HPSE2: variants seen among roughly 807,000 people sequenced by gnomAD.
HPSE2 encodes heparanase 2 (inactive).
In HPSE2, 38 loss-of-function variants were observed where a neutral mutation model predicts 60.5. That is an observed-to-expected ratio of 0.63 (90% confidence interval 0.48 to 0.82). The LOEUF (loss-of-function observed/expected upper bound fraction) is 0.82, where lower values mean the gene tolerates loss of function less well. HPSE2 is among the 40% of genes least tolerant of loss of function. The pLI, the probability that HPSE2 is intolerant of heterozygous loss-of-function variation, is 0.00. For missense variants in HPSE2, 713 were observed against 740.4 expected (o/e 0.96, Z 0.43); for synonymous variants, 295 against 293.2 (o/e 1.01, Z -0.06).
At chr10:99,023,018 A>G (rs2135430075) in intron 3 of HPSE2, among the ~76,000 whole-genome samples, 1 of 152,208 alleles carries the variant, frequency 6.6e-6, no homozygotes, top group East Asian at 1.9e-4. Context: ...CAGCACAACC[A>G]CAGTGGGATA....
chr10:99,114,488 AATC>A (rs1844594514), intron 3 of HPSE2, among the ~76,000 whole-genome samples: 1 of 152,236 alleles, frequency 6.6e-6, no homozygotes, highest in East Asian at 1.9e-4. Flanking sequence ...AACAAGAAGT[AATC>A]ATCATCTCTT....
chr10:99,107,125 C>A (rs1371920021), intron 3 of HPSE2, among the ~76,000 whole-genome samples: 1 of 152,150 alleles, frequency 6.6e-6, no homozygotes, highest in Non-Finnish European at 1.5e-5. Context: ...CCCGCCTTGG[C>A]CTCCCAGAGT....
At chr10:98,484,508 A>G (rs1385293311) in intron 10 of HPSE2, among the ~76,000 whole-genome samples, 1 of 152,226 alleles carries the variant, frequency 6.6e-6, no homozygotes, top group Non-Finnish European at 1.5e-5. Flanking sequence ...AAGGGCTGGG[A>G]TTACAGGCGT....
the HPSE2 span, among the ~76,000 whole-genome samples, chr10:99,288,494 A>G: frequency 6.6e-6 from 1 of 152,156 alleles, no homozygotes; most frequent in South Asian, 2.1e-4. Context: ...GAGAAGGAGG[A>G]GGAGAAGGAT....
At chr10:99,106,469 A>G (rs1313581177) in intron 3 of HPSE2, among the ~76,000 whole-genome samples, 1 of 152,016 alleles carries the variant, frequency 6.6e-6, no homozygotes, top group Non-Finnish European at 1.5e-5. Flanking sequence ...TATGATATAT[A>G]CATTGCACTA....
the HPSE2 span, among the ~76,000 whole-genome samples, chr10:99,255,577 C>CAA: frequency 6.6e-6 from 1 of 151,606 alleles, no homozygotes; most frequent in Non-Finnish European, 1.5e-5. Flanking sequence ...CACACACACA[C>CAA]ACACACACAC....
chr10:99,245,867 T>C, the HPSE2 span, among the ~76,000 whole-genome samples: 1 of 152,182 alleles, frequency 6.6e-6, no homozygotes, highest in Non-Finnish European at 1.5e-5. Flanking sequence ...TAGTGAGGAA[T>C]TGGAGACACC....
At chr10:98,852,349 G>C (rs1270738112) in intron 3 of HPSE2, among the ~76,000 whole-genome samples, 1 of 152,028 alleles carries the variant, frequency 6.6e-6, no homozygotes, top group East Asian at 1.9e-4. Flanking sequence ...TTGTGTTGGA[G>C]CTGGCCATAA....
intron 9 of HPSE2, among the ~76,000 whole-genome samples, chr10:98,608,349 G>A (rs1031681235): frequency 6.6e-6 from 1 of 152,186 alleles, no homozygotes; most frequent in African/African-American, 2.4e-5. Flanking sequence ...TTTCCCAAGG[G>A]GGCTTGCATC....
intron 3 of HPSE2, among the ~76,000 whole-genome samples, chr10:99,036,768 A>G (rs1171585568): frequency 1.3e-5 from 2 of 152,194 alleles, no homozygotes; most frequent in Non-Finnish European, 2.9e-5. Flanking sequence ...TGCCCAAGAT[A>G]CTTATTAATT....
At chr10:99,012,006 G>T (rs1227796170) in intron 3 of HPSE2, among the ~76,000 whole-genome samples, 1 of 151,634 alleles carries the variant, frequency 6.6e-6, no homozygotes, top group Non-Finnish European at 1.5e-5. Flanking sequence ...GCAAATTAAA[G>T]AATTATCAAT....
intron 2 of HPSE2, among the ~76,000 whole-genome samples, chr10:99,219,387 A>G (rs1380981967): frequency 1.3e-5 from 2 of 152,106 alleles, no homozygotes; most frequent in Non-Finnish European, 2.9e-5. Context: ...ACAGTTTAAA[A>G]ACATGGAAGA....
At chr10:98,782,173 T>TA (rs1357082066) in intron 3 of HPSE2, among the ~76,000 whole-genome samples, 1 of 36,814 alleles carries the variant, frequency 2.7e-5, no homozygotes, top group Non-Finnish European at 5.2e-5. Flanking sequence ...TATGGAAGAC[T>TA]AAAAAAACCC....
chr10:98,458,528 A>G lies in HPSE2; in HGVS notation c.*1046T>C, dbSNP rs1362993402. Reference sequence around the variant, plus strand: ...CAAATAGGCTACTTGGGAAGAGGCAAAAAGGTTAGATTCAGTTGTGTCTTC... The same window carrying G: ...CAAATAGGCTACTTGGGAAGAGGCAGAAAGGTTAGATTCAGTTGTGTCTTC... On this transcript the variant is annotated 3_prime_UTR_variant, in exon 12 of 12. Coordinates refer to ENST00000370552, the MANE Select transcript of HPSE2 (RefSeq NM_021828.5). The G allele has an allele frequency of 6.6e-6, 1 of 152,222 alleles. No individual in the cohort carries two copies. Among genetic ancestry groups the G allele is most frequent in the Non-Finnish European group, 1.5e-5 (1 of 68,044 alleles). The allele number at this position is 152,222 out of a possible 1,614,324, so 9.4% of individuals were successfully genotyped here.
intron 3 of HPSE2, among the ~76,000 whole-genome samples, chr10:98,942,660 G>A (rs1026880434): frequency 6.6e-5 from 10 of 152,176 alleles, no homozygotes; most frequent in Non-Finnish European, 5.9e-5. Flanking sequence ...AACCATTGTA[G>A]AAGTCAGTGT....
chr10:98,635,806 G>T (rs1946483677), intron 7 of HPSE2, among the ~76,000 whole-genome samples: 1 of 150,846 alleles, frequency 6.6e-6, no homozygotes, highest in Non-Finnish European at 1.5e-5. Context: ...AAAAAGAATG[G>T]ATAAACTGGC....
intron 3 of HPSE2, among the ~76,000 whole-genome samples, chr10:98,859,264 A>G (rs1317002327): frequency 6.6e-6 from 1 of 152,196 alleles, no homozygotes; most frequent in Non-Finnish European, 1.5e-5. Context: ...AGCCTTAAAT[A>G]TACACACACA....
chr10:99,071,741 G>C (rs745617506), intron 3 of HPSE2, among the ~76,000 whole-genome samples: 31 of 152,142 alleles, frequency 2.0e-4, no homozygotes, highest in Non-Finnish European at 2.2e-4. Flanking sequence ...ATTAATTTTT[G>C]TCCACGTGTA....
intron 3 of HPSE2, among the ~76,000 whole-genome samples, chr10:99,106,313 TA>T (rs1436782076): frequency 5.9e-5 from 9 of 152,146 alleles, no homozygotes; most frequent in African/African-American, 2.2e-4. Flanking sequence ...ACAATTATCA[TA>T]CTTTTGTTAA....
Sources: allele counts gnomAD v4.1 joint callset (sites outside exome capture counted in the v4.1 genomes callset), GRCh38; gene constraint gnomAD v4.1.1; transcripts MANE v1.5; gene names NCBI Gene and HGNC (gene_info 2026-07-23, HGNC 2026-07-21).